Variants in IGF2BP2 observed in about 807,000 individuals in gnomAD.
IGF2BP2 encodes insulin like growth factor 2 mRNA binding protein 2.
A neutral mutation model predicts 75.8 loss-of-function variants in IGF2BP2; 17 were observed. The observed-to-expected ratio is 0.22, with a 90% CI of 0.15 to 0.34. IGF2BP2 has a LOEUF of 0.34. IGF2BP2 is among the 10% of genes least tolerant of loss of function. The pLI is 1.00. For missense variants in IGF2BP2, 516 were observed against 772.4 expected (o/e 0.67, Z 3.93); for synonymous variants, 288 against 295.6 (o/e 0.97, Z 0.26).
At position 185,675,941 on chromosome 3, in the gene IGF2BP2, C is replaced by G. The variant is rs748097949; in HGVS notation, c.813-28G>C. The G allele has an allele frequency of 1.9e-6, 3 of 1,611,076 alleles. No homozygotes were observed. In the East Asian group the frequency reaches 6.7e-5, roughly 36 times the overall value. ...AAAAGAGACAAGCAGCAAGTTAACA[C>G]TTCAGATACGTATAACGGTTGTCTC... On this transcript the variant is annotated intron_variant, in intron 7 of 15. Transcript: ENST00000382199.
At chr3:185,805,770 CTTTT>C (rs1254141059) in intron 2 of IGF2BP2, among the ~76,000 whole-genome samples, 4 of 136,518 alleles carry the variant, frequency 2.9e-5, no homozygotes, top group East Asian at 2.1e-4. Context: ...TGAAGTAAAT[CTTTT>C]TTTTTTTTTT....
intron 7 of IGF2BP2, among the ~76,000 whole-genome samples, chr3:185,676,812 G>GGAGAT (rs1560274619): frequency 1.8e-5 from 2 of 112,800 alleles, no homozygotes; most frequent in Non-Finnish European, 2.1e-5. Flanking sequence ...ATTTACTGGA[G>GGAGAT]ATATATATAT....
chr3:185,747,276 G>A (rs919137458), intron 2 of IGF2BP2, among the ~76,000 whole-genome samples: 15 of 152,082 alleles, frequency 9.9e-5, no homozygotes, highest in African/African-American at 2.2e-4. Flanking sequence ...AACTGGTAAC[G>A]CTACGATTTA....
At chr3:185,733,594 T>TA (rs1336001823) in intron 2 of IGF2BP2, among the ~76,000 whole-genome samples, 1 of 152,064 alleles carries the variant, frequency 6.6e-6, no homozygotes. Context: ...CCATGTCTAC[T>TA]AAAAATACAA....
intron 2 of IGF2BP2, among the ~76,000 whole-genome samples, chr3:185,730,097 T>C (rs796411144): frequency 2.0e-5 from 3 of 152,172 alleles, no homozygotes; most frequent in Non-Finnish European, 4.4e-5. Flanking sequence ...CTGTACACAA[T>C]AGTTAATTTT....
chr3:185,772,878 G>A (rs537486784), intron 2 of IGF2BP2, among the ~76,000 whole-genome samples: 50 of 152,170 alleles, frequency 3.3e-4, no homozygotes, highest in Admixed American at 5.2e-4. Context: ...CACCGTGCCC[G>A]GCCCTTTCCT....
chr3:185,802,477 G>A (rs979925505), intron 2 of IGF2BP2, among the ~76,000 whole-genome samples: 3 of 152,230 alleles, frequency 2.0e-5, no homozygotes, highest in Non-Finnish European at 2.9e-5. Flanking sequence ...GGCCTCTTCT[G>A]TAACCTGTAC....
At chr3:185,689,069 T>C (rs969210863) in intron 6 of IGF2BP2, 4 of 343,142 alleles carry the variant, frequency 1.2e-5, no homozygotes, top group African/African-American at 2.1e-5. Flanking sequence ...CCTCTGCTTT[T>C]GTAGAAATCA....
intron 2 of IGF2BP2, among the ~76,000 whole-genome samples, chr3:185,764,453 A>AG (rs1224786259): frequency 6.6e-6 from 1 of 152,168 alleles, no homozygotes; most frequent in Non-Finnish European, 1.5e-5. Context: ...GCAGAACCTG[A>AG]GGGGAAAGCC....
In IGF2BP2 at chr3:185,644,316, T is replaced by C. The variant is rs540930587; in HGVS notation, c.*1215A>G. 18 of 145,280 alleles carry C rather than the reference T, an allele frequency of 1.2e-4. No individual in the cohort carries two copies. The East Asian group carries it at 3.6e-3, about 29-fold the overall frequency. The allele number at this position is 145,280 out of a possible 1,614,324, so 9.0% of individuals were successfully genotyped here. A position where few individuals can be genotyped will look rare whatever the true frequency, so the allele number is the denominator to read the frequency against. Reference sequence around the variant, plus strand: ...TGGTAAATTTCTACTTTCCTCCACATTTTTTTTTTTTAAAGAAAGGAATCA... The same window carrying C: ...TGGTAAATTTCTACTTTCCTCCACACTTTTTTTTTTTAAAGAAAGGAATCA... On this transcript the variant is annotated 3_prime_UTR_variant, in exon 16 of 16. Coordinates refer to ENST00000382199, the MANE Select transcript of IGF2BP2 (RefSeq NM_006548.6).
At chr3:185,673,776 G>A (rs1718882966) in intron 9 of IGF2BP2, among the ~76,000 whole-genome samples, 2 of 152,142 alleles carry the variant, frequency 1.3e-5, no homozygotes, top group Admixed American at 1.3e-4. Context: ...TCTATAAGAT[G>A]TAGTAATTTT....
chr3:185,686,422 G>A (rs531214228), intron 7 of IGF2BP2, among the ~76,000 whole-genome samples: 8 of 151,646 alleles, frequency 5.3e-5, no homozygotes, highest in African/African-American at 1.7e-4. Flanking sequence ...TGAGGAGGAA[G>A]GACAGATAGA....
chr3:185,734,273 G>C (rs1728570560), intron 2 of IGF2BP2, among the ~76,000 whole-genome samples: 1 of 152,174 alleles, frequency 6.6e-6, no homozygotes, highest in Admixed American at 6.5e-5. Flanking sequence ...GTGAGGGCGG[G>C]TTGGGCAACT....
At chr3:185,821,293 T>G (rs988816404) in intron 2 of IGF2BP2, among the ~76,000 whole-genome samples, 10 of 152,220 alleles carry the variant, frequency 6.6e-5, no homozygotes, top group African/African-American at 1.9e-4. Context: ...ACAGCGCATT[T>G]TAATCTACCT....
chr3:185,805,967 G>T (rs1041634798), intron 2 of IGF2BP2, among the ~76,000 whole-genome samples: 106 of 151,732 alleles, frequency 7.0e-4, no homozygotes, highest in African/African-American at 2.4e-3. Flanking sequence ...TACAGACAGG[G>T]TTTCACCATG....
chr3:185,696,524 T>TA (rs1722602461), intron 4 of IGF2BP2, 88 bp downstream of exon 4: 4 of 1,093,180 alleles, frequency 3.7e-6, no homozygotes, highest in Non-Finnish European at 5.6e-6. Context: ...AATATGAACT[T>TA]ACTATTTCTC....
intron 2 of IGF2BP2, among the ~76,000 whole-genome samples, chr3:185,698,811 G>GCTGT (rs1553863586): frequency 6.6e-6 from 1 of 150,896 alleles, no homozygotes; most frequent in Non-Finnish European, 1.5e-5. Flanking sequence ...GTTTTTTGTT[G>GCTGT]TTGTTTGTTT....
At chr3:185,658,542 C>T (rs1715852458) in intron 10 of IGF2BP2, 133 bp from the exon 11 acceptor site, 1 of 659,262 alleles carries the variant, frequency 1.5e-6, no homozygotes, top group Non-Finnish European at 2.6e-6. Flanking sequence ...GTCTACACGC[C>T]TGTCCCTCTG....
intron 2 of IGF2BP2, among the ~76,000 whole-genome samples, chr3:185,699,515 A>G (rs964956373): frequency 6.6e-6 from 1 of 152,238 alleles, no homozygotes; most frequent in East Asian, 1.9e-4. Flanking sequence ...AAAAAGTTAT[A>G]CTGTGAAAAG....
Sources: allele counts gnomAD v4.1 joint callset (sites outside exome capture counted in the v4.1 genomes callset), GRCh38; gene constraint gnomAD v4.1.1; transcripts MANE v1.5; gene names NCBI Gene and HGNC (gene_info 2026-07-23, HGNC 2026-07-21).